MARCHF1: variants seen among roughly 807,000 people sequenced by gnomAD.
The protein encoded by MARCHF1 is E3 ubiquitin-protein ligase MARCHF1.
Under a neutral mutation model 54.2 loss-of-function variants are expected in MARCHF1, and 40 were observed. The observed-to-expected ratio is 0.74, with a 90% CI of 0.57 to 0.96. The LOEUF (loss-of-function observed/expected upper bound fraction) is 0.96. Among genes scored for constraint, MARCHF1 ranks in the 40% least tolerant of loss-of-function variants. The pLI, the probability that MARCHF1 is intolerant of heterozygous loss-of-function variation, is 0.00. For synonymous variants in MARCHF1, 236 were observed against 236.3 expected, an observed-to-expected ratio of 1.00 and a Z score of 0.01; for missense variants, 586 against 656.5, an observed-to-expected ratio of 0.89 and a Z score of 1.17.
At chr4:164,127,379 G>C (rs1408357884) in intron 1 of MARCHF1, among the ~76,000 whole-genome samples, 1 of 152,260 alleles carries the variant, frequency 6.6e-6, no homozygotes, top group South Asian at 2.1e-4. Context: ...TGTCCATGTT[G>C]AAAGAGATAA....
intron 7 of MARCHF1, among the ~76,000 whole-genome samples, chr4:163,589,918 A>G (rs556063789): frequency 7.2e-4 from 110 of 152,190 alleles, no homozygotes; most frequent in African/African-American, 2.5e-3. Context: ...GTATTTTACC[A>G]GTCTGCTTGC....
intron 1 of MARCHF1, among the ~76,000 whole-genome samples, chr4:164,378,308 T>G (rs911253292): frequency 4.6e-5 from 7 of 152,150 alleles, no homozygotes; most frequent in African/African-American, 1.7e-4. Context: ...AGAGACAAAA[T>G]TAGCTATGAG....
intron 1 of MARCHF1, among the ~76,000 whole-genome samples, chr4:164,334,442 C>A (rs1378364774): frequency 6.6e-6 from 1 of 151,822 alleles, no homozygotes. Flanking sequence ...ATAAATGGAA[C>A]CAAAAAAGCC....
At chr4:164,321,929 G>A (rs575706321) in intron 1 of MARCHF1, among the ~76,000 whole-genome samples, 1 of 152,064 alleles carries the variant, frequency 6.6e-6, no homozygotes, top group East Asian at 1.9e-4. Flanking sequence ...ATCAAGTAAT[G>A]CTTTAAGCAT....
intron 4 of MARCHF1, among the ~76,000 whole-genome samples, chr4:163,737,661 CTCA>C (rs1258964564): frequency 2.4e-5 from 3 of 126,254 alleles, no homozygotes; most frequent in African/African-American, 7.6e-5. Context: ...TGAAGAAATG[CTCA>C]TCATCACTGG....
intron 1 of MARCHF1, among the ~76,000 whole-genome samples, chr4:164,271,479 C>CT: frequency 6.6e-6 from 1 of 152,264 alleles, no homozygotes; most frequent in African/African-American, 2.4e-5. Context: ...GGATTCTACC[C>CT]TAGCCGCCAG....
At chr4:163,913,550 G>C (rs531386268) in intron 3 of MARCHF1, among the ~76,000 whole-genome samples, 66 of 152,070 alleles carry the variant, frequency 4.3e-4, no homozygotes, top group African/African-American at 1.5e-3. Context: ...ATGGGAATAC[G>C]TCAGGAAATT....
chr4:164,058,299 CTT>C (rs1754539025), intron 2 of MARCHF1, among the ~76,000 whole-genome samples: 1 of 152,166 alleles, frequency 6.6e-6, no homozygotes, highest in Non-Finnish European at 1.5e-5. Context: ...TAATCAATCT[CTT>C]TGCAACATAT....
intron 1 of MARCHF1, among the ~76,000 whole-genome samples, chr4:164,154,038 G>T (rs565875147): frequency 6.6e-6 from 1 of 152,160 alleles, no homozygotes; most frequent in East Asian, 1.9e-4. Flanking sequence ...TGTAAACTGG[G>T]TACATTGCAC....
At chr4:164,238,980 G>A (rs1294224122) in intron 1 of MARCHF1, among the ~76,000 whole-genome samples, 1 of 151,976 alleles carries the variant, frequency 6.6e-6, no homozygotes, top group African/African-American at 2.4e-5. Flanking sequence ...AGGATCTCAA[G>A]GTTCACAGTT....
intron 1 of MARCHF1, among the ~76,000 whole-genome samples, chr4:164,280,036 TA>T (rs1260288393): frequency 6.6e-6 from 1 of 151,902 alleles, no homozygotes; most frequent in Non-Finnish European, 1.5e-5. Flanking sequence ...TAGAATTATA[TA>T]TTTTTTTCAA....
At chr4:163,820,061 TC>T (rs1402896301) in intron 4 of MARCHF1, among the ~76,000 whole-genome samples, 1 of 152,118 alleles carries the variant, frequency 6.6e-6, no homozygotes, top group Admixed American at 6.6e-5. Context: ...CCTTCTTTCT[TC>T]CATAGCCCAA....
At chr4:164,146,444 A>T (rs561946822) in intron 1 of MARCHF1, among the ~76,000 whole-genome samples, 1 of 152,150 alleles carries the variant, frequency 6.6e-6, no homozygotes, top group Admixed American at 6.5e-5. Context: ...TATAGTAACC[A>T]AAACAGCATG....
chr4:163,740,578 G>A (rs1050815445), intron 4 of MARCHF1, among the ~76,000 whole-genome samples: 2 of 152,076 alleles, frequency 1.3e-5, no homozygotes, highest in African/African-American at 4.8e-5. Context: ...TTGAGTTTAG[G>A]GAACCAAGTT....
intron 7 of MARCHF1, among the ~76,000 whole-genome samples, chr4:163,591,695 T>A (rs920317854): frequency 6.6e-6 from 1 of 152,156 alleles, no homozygotes; most frequent in Non-Finnish European, 1.5e-5. Flanking sequence ...CTTAGTCAGA[T>A]CATATGGCAA....
intron 4 of MARCHF1, among the ~76,000 whole-genome samples, chr4:163,798,751 G>A (rs1178585214): frequency 6.6e-6 from 1 of 152,042 alleles, no homozygotes; most frequent in Non-Finnish European, 1.5e-5. Context: ...AAGAGTGACA[G>A]CAAGGAAAGA....
chr4:164,178,547 G>C (rs1180718510), intron 1 of MARCHF1, among the ~76,000 whole-genome samples: 1 of 152,166 alleles, frequency 6.6e-6, no homozygotes, highest in Non-Finnish European at 1.5e-5. Flanking sequence ...ATGTAACAGA[G>C]AAACAATTAT....
chr4:163,831,202 T>C, intron 4 of MARCHF1, among the ~76,000 whole-genome samples: 1 of 152,222 alleles, frequency 6.6e-6, no homozygotes, highest in South Asian at 2.1e-4. Context: ...GGGGGCTAGA[T>C]GCCTCTGAAC....
intron 2 of MARCHF1, among the ~76,000 whole-genome samples, chr4:164,036,407 T>A (rs945259800): frequency 5.3e-5 from 8 of 152,042 alleles, no homozygotes; most frequent in Non-Finnish European, 7.4e-5. Context: ...TCTAATTGAG[T>A]TGGGAAGCTG....
Sources: gnomAD v4.1 joint callset for allele counts (sites outside exome capture counted in the v4.1 genomes callset) on GRCh38, gnomAD v4.1.1 for gene constraint, MANE v1.5 for transcripts, NCBI Gene and HGNC (gene_info 2026-07-23, HGNC 2026-07-21) for gene names.